Variants in MACROD1 observed in about 807,000 individuals in gnomAD.
The protein encoded by MACROD1 is mono-ADP ribosylhydrolase 1.
Under a neutral mutation model 41.4 loss-of-function variants are expected in MACROD1, and 31 were observed. That is an observed-to-expected ratio of 0.75 (90% CI 0.56 to 1.01). The LOEUF (loss-of-function observed/expected upper bound fraction) is 1.01, where lower values mean the gene tolerates loss of function less well. MACROD1 is among the 50% of genes least tolerant of loss of function. MACROD1 has a pLI of 0.00. For missense variants in MACROD1, 473 were observed against 460.0 expected (o/e 1.03, Z -0.26); for synonymous variants, 252 against 203.4 (o/e 1.24, Z -2.03).
At chr11:63,999,808 C>T (rs1349874951) in intron 5 of MACROD1, 45 bp from the exon 6 acceptor site, 3 of 1,572,024 alleles carry the variant, frequency 1.9e-6, no homozygotes, top group Non-Finnish European at 2.6e-6. Flanking sequence ...CTACGCGGTC[C>T]TCAGCTCCCT....
rs776364527 is a variant in MACROD1, at chr11:64,116,226, G to A, written c.517+35013C>T. On this transcript the variant is annotated intron_variant, in intron 3 of 10. Transcript: ENST00000255681. ...GTCCTGTGCTCCTTGCAGGTATTCA[G>A]GCTCCAGGCCAGGTGGGGCCGGACG... 4 of 1,563,550 alleles carry A rather than the reference G, an allele frequency of 2.6e-6. No homozygotes were observed. In the Admixed American group the frequency reaches 7.0e-5, roughly 27 times the overall value.
Position 64,109,607 on chromosome 11 carries a change from C to T in MACROD1, c.517+41632G>A, listed in dbSNP as rs1050174176. Among the ~76,000 whole-genome samples, 5 of 152,042 alleles carry T rather than the reference C, an allele frequency of 3.3e-5. No individual in the cohort carries two copies. The South Asian group carries it at 6.2e-4, about 19-fold the overall frequency. On this transcript the variant is annotated intron_variant, in intron 3 of 10. Transcript: ENST00000255681. ...TTCTGGCCACTGGATGACCTGGTGA[C>T]GAAGGCCCATTTAAAACCCTCTTAC...
At chr11:63,999,431 C>A (rs1426471887) in intron 7 of MACROD1, 27 bp from the exon 8 acceptor site, 1 of 1,558,082 alleles carries the variant, frequency 6.4e-7, no homozygotes. Context: ...GGGAGTGAGT[C>A]CTAGGCTCTG....
chr11:64,049,639 G>A (rs112994137), intron 3 of MACROD1, among the ~76,000 whole-genome samples: 10 of 152,326 alleles, frequency 6.6e-5, no homozygotes, highest in African/African-American at 2.2e-4. Context: ...GGTTGGAGGT[G>A]CCTGCTGAAG....
chr11:64,165,850 C>G lies in MACROD1; in HGVS notation c.145G>C (p.Gly49Arg). The part of the protein sequence containing the change: ...SSTCGPPAFL[G>R]VFGRRARTSA... The stretch of plus-strand genomic sequence containing the variant: ...GTCCGCGCACGGCGGCCGAACACGC[C>G]CAGGAACGCCGGGGGACCGCACGTG... The change falls in exon 1 of 11, where the codon GGC (glycine) becomes CGC (arginine). Residue 49 changes from glycine to arginine, a missense_variant. Transcript: ENST00000255681. 1 of 1,469,172 alleles carries G rather than the reference C, an allele frequency of 6.8e-7. No individual in the cohort carries two copies. The highest frequency in any genetic ancestry group is 9.0e-7 in the Non-Finnish European group (1 of 1,111,980). The allele number at this position is 1,469,172 out of a possible 1,614,324, so 91.0% of individuals were successfully genotyped here.
rs376138924 is a variant in MACROD1 at position 64,162,122 on chromosome 11, G to A, written c.298+3575C>T. On this transcript the variant is annotated intron_variant, in intron 1 of 10. Coordinates refer to ENST00000255681, the MANE Select transcript of MACROD1 (RefSeq NM_014067.4). ...TTTGGGAGGCCGAGGTGGGTAGATC[G>A]CTTGAGCTTAGGAGTTTGAGAACAG... 9.2e-5 allele frequency among the ~76,000 whole-genome samples: 14 copies of A among 151,982 alleles called. No individual in the cohort carries two copies. The East Asian group carries it at 2.5e-3, about 27-fold the overall frequency.
At chr11:64,054,670 ACCT>A (rs1265699013) in intron 3 of MACROD1, among the ~76,000 whole-genome samples, 1 of 151,406 alleles carries the variant, frequency 6.6e-6, no homozygotes, top group East Asian at 1.9e-4. Context: ...AGACAACCTC[ACCT>A]CCTGCTTTTT....
intron 3 of MACROD1, among the ~76,000 whole-genome samples, chr11:64,145,180 TTAAA>T (rs1945476918): frequency 6.6e-6 from 1 of 152,178 alleles, no homozygotes; most frequent in Non-Finnish European, 1.5e-5. Flanking sequence ...ATGACTTATT[TTAAA>T]TAAATAAGCG....
rs1942820443 is a variant in MACROD1 at position 64,001,224 on chromosome 11, C to T, written c.548-881G>A. 3 of 594,018 alleles carry T rather than the reference C, an allele frequency of 5.1e-6. No individual in the cohort carries two copies. The East Asian group carries it at 8.4e-5, about 17-fold the overall frequency. 36.8% of individuals were successfully genotyped at this position (594,018 alleles called of 1,614,324 possible). On this transcript the variant is annotated intron_variant, in intron 4 of 10. Transcript: ENST00000255681. ...CAGGCAGGCCTGGGTCCAGCCCGGG[C>T]TCACCCCTCATCGGCTGTGAGATCC... is the stretch of plus-strand genomic sequence containing the variant.
At chr11:64,121,195 C>T (rs1945092091) in intron 3 of MACROD1, among the ~76,000 whole-genome samples, 1 of 152,138 alleles carries the variant, frequency 6.6e-6, no homozygotes, top group Non-Finnish European at 1.5e-5. Context: ...AGAGCAGGCC[C>T]AGGCAGGCAG....
In MACROD1 at chr11:64,096,244, C is replaced by T. The variant is rs1041190479; in HGVS notation, c.517+54995G>A. ...GGGGGTCGAACAGCCACTGTTCTGC[C>T]GACAAAAGCAGGCCAATTTCCTGAA... On this transcript the variant is annotated intron_variant, in intron 3 of 10. Transcript: ENST00000255681. The surrounding 1 kb of genome is among the most constrained non-coding windows in gnomAD (Gnocchi z 4.6). Among the ~76,000 whole-genome samples the T allele has an allele frequency of 9.2e-5, 14 of 152,308 alleles. No homozygotes were observed. Among genetic ancestry groups the T allele is most frequent in the South Asian group, 6.2e-4 (3 of 4,828 alleles).
intron 3 of MACROD1, among the ~76,000 whole-genome samples, chr11:64,124,318 C>T (rs559382221): frequency 2.0e-5 from 3 of 152,334 alleles, no homozygotes; most frequent in South Asian, 4.1e-4. Flanking sequence ...GGCTGCCCCA[C>T]GTGCAGTCCA....
At chr11:64,131,266 G>A (rs1386839877) in intron 3 of MACROD1, among the ~76,000 whole-genome samples, 2 of 152,190 alleles carry the variant, frequency 1.3e-5, no homozygotes, top group South Asian at 2.1e-4. Context: ...TCAGAGTGAC[G>A]GGGAGGGCAG....
chr11:64,102,737 C>A (rs1944691958), intron 3 of MACROD1, among the ~76,000 whole-genome samples: 1 of 152,156 alleles, frequency 6.6e-6, no homozygotes, highest in Admixed American at 6.5e-5. Flanking sequence ...ATAACCCCAG[C>A]CCCTTCCCCG....
chr11:63,999,421 G>A lies in MACROD1; in HGVS notation c.818-17C>T. 6.4e-7 allele frequency: 1 copy of A among 1,564,016 alleles called. No individual in the cohort carries two copies. Among genetic ancestry groups the A allele is most frequent in the South Asian group, 1.2e-5 (1 of 85,896 alleles). Reference sequence around the variant, plus strand: ...AGGGGTAGCCTGAGGCGGGTGGGGCGGGAGTGAGTCCTAGGCTCTGGCCCC... The same window carrying A: ...AGGGGTAGCCTGAGGCGGGTGGGGCAGGAGTGAGTCCTAGGCTCTGGCCCC... On this transcript the variant is annotated splice_polypyrimidine_tract_variant and intron_variant, in intron 7 of 10. Coordinates refer to ENST00000255681, the MANE Select transcript of MACROD1 (RefSeq NM_014067.4).
chr11:64,146,346 A>ACCT lies in MACROD1; in HGVS notation c.517+4890_517+4892dup, dbSNP rs1023599674. On this transcript the variant is annotated intron_variant, in intron 3 of 10. Coordinates refer to ENST00000255681, the MANE Select transcript of MACROD1 (RefSeq NM_014067.4). The surrounding 1 kb of genome is among the most constrained non-coding windows in gnomAD (Gnocchi z 4.7). ...GGAGAGGCAGGCACCGGCTCTGAGA[A>ACCT]CCTCCTCCTCCAGAAGAGGGGGCCT... Among the ~76,000 whole-genome samples, 12 of 152,018 alleles carry ACCT rather than the reference A, an allele frequency of 7.9e-5. No individual in the cohort carries two copies. The highest frequency in any genetic ancestry group is 2.9e-4 in the African/African-American group (12 of 41,368).
chr11:64,158,418 AT>A (rs1471687022), intron 1 of MACROD1, among the ~76,000 whole-genome samples: 12 of 152,104 alleles, frequency 7.9e-5, no homozygotes, highest in Admixed American at 5.2e-4. Context: ...TTTTAATTTT[AT>A]TTTTAGGAGA....
At chr11:64,152,935 C>A (rs892224351) in intron 1 of MACROD1, among the ~76,000 whole-genome samples, 8 of 152,232 alleles carry the variant, frequency 5.3e-5, no homozygotes, top group Admixed American at 4.6e-4. Flanking sequence ...CCCAACATCC[C>A]CCCCGGCAGC....
At chr11:64,145,608 C>T (rs573520807) in intron 3 of MACROD1, among the ~76,000 whole-genome samples, 25 of 152,334 alleles carry the variant, frequency 1.6e-4, no homozygotes, top group African/African-American at 5.3e-4. Context: ...CTCCTGGCCA[C>T]GGTGCGCACA....
Sources: allele counts gnomAD v4.1 joint callset (sites outside exome capture counted in the v4.1 genomes callset), GRCh38; gene constraint gnomAD v4.1.1; non-coding constraint Gnocchi (gnomAD v3.1); transcripts MANE v1.5; gene names NCBI Gene and HGNC (gene_info 2026-07-23, HGNC 2026-07-21).